SCAMP1: variants seen among roughly 807,000 people sequenced by gnomAD.
The protein encoded by SCAMP1 is secretory carrier membrane protein 1.
SCAMP1 carries 15 observed loss-of-function variants against 41.8 expected under a neutral mutation model. The ratio of observed to expected loss-of-function variants is 0.36; its 90% confidence interval spans 0.24 to 0.55. The LOEUF (loss-of-function observed/expected upper bound fraction) is 0.55, where lower values mean the gene tolerates loss of function less well. Ranked by LOEUF, SCAMP1 falls within the 20% of genes least tolerant of loss-of-function variation. SCAMP1 has a pLI of 0.86. For synonymous variants in SCAMP1, 135 were observed against 136.8 expected (o/e 0.99, Z 0.09); for missense variants, 341 against 412.6 (o/e 0.83, Z 1.50).
intron 6 of SCAMP1, among the ~76,000 whole-genome samples, chr5:78,441,618 A>G (rs1404137675): frequency 6.6e-6 from 1 of 152,206 alleles, no homozygotes; most frequent in East Asian, 1.9e-4. Context: ...GTTTGAATCC[A>G]GCCTGACCAA....
chr5:78,382,524 G>A (rs558103054), intron 1 of SCAMP1, among the ~76,000 whole-genome samples: 1 of 152,218 alleles, frequency 6.6e-6, no homozygotes, highest in South Asian at 2.1e-4. Context: ...TGTCACCCGA[G>A]CAGTGTACAC....
Position 78,398,355 on chromosome 5 carries a change from C to CTTTTT in SCAMP1, c.135+9464_135+9468dup, listed in dbSNP as rs1197381285. Reference sequence around the variant, plus strand: ...CTATAGTTTATCCTAGGGTTCACCTCTTTTTTTTTTTTTTTTTTTTTTTTT... The same window carrying CTTTTT: ...CTATAGTTTATCCTAGGGTTCACCTCTTTTTTTTTTTTTTTTTTTTTTTTTTTTTT... On this transcript the variant is annotated intron_variant, in intron 2 of 8. Coordinates refer to ENST00000621999, the MANE Select transcript of SCAMP1 (RefSeq NM_004866.6). Among the ~76,000 whole-genome samples, 338 of 57,488 alleles carry CTTTTT rather than the reference C, an allele frequency of 5.9e-3. 56 individuals carry two copies. The highest frequency in any genetic ancestry group is 0.022 in the African/African-American group (288 of 13,386). The allele number at this position is 57,488 out of a possible 152,430, so 37.7% of individuals were successfully genotyped here. A position where few individuals can be genotyped will look rare whatever the true frequency, so the allele number is the denominator to read the frequency against.
rs1441614684 is a variant in SCAMP1, at chr5:78,480,255, T to C, written c.*4587T>C. Among the ~76,000 whole-genome samples, 1 of 152,182 alleles carries C rather than the reference T, an allele frequency of 6.6e-6. No homozygotes were observed. The highest frequency in any genetic ancestry group is 2.4e-5 in the African/African-American group (1 of 41,436). ...ACTAAAAGCCATTTAATCTTTTCTG[T>C]AATAGGAGCAGAAAATAGTTAATCA... On this transcript the variant is annotated 3_prime_UTR_variant, in exon 9 of 9. Coordinates refer to ENST00000621999, the MANE Select transcript of SCAMP1 (RefSeq NM_004866.6).
chr5:78,368,465 T>A lies in SCAMP1; in HGVS notation c.57+7737T>A, dbSNP rs77653713. Among the ~76,000 whole-genome samples, 590 of 152,358 alleles carry A rather than the reference T, an allele frequency of 3.9e-3. 4 individuals carry two copies. Among genetic ancestry groups the A allele is most frequent in the African/African-American group, 0.013 (548 of 41,574 alleles). On this transcript the variant is annotated intron_variant, in intron 1 of 8. Transcript: ENST00000621999. ...AATATTTAATAGTGATAAATGCAGA[T>A]CCAAATAATTTATTGGTTATTTCCT...
chr5:78,365,207 G>A (rs1255689213), intron 1 of SCAMP1, among the ~76,000 whole-genome samples: 1 of 152,064 alleles, frequency 6.6e-6, no homozygotes, highest in Non-Finnish European at 1.5e-5. Flanking sequence ...AGGCGCAGTG[G>A]CTCACGCCTG....
intron 2 of SCAMP1, among the ~76,000 whole-genome samples, chr5:78,407,342 A>AT (rs1751958658): frequency 1.3e-5 from 2 of 152,148 alleles, no homozygotes; most frequent in East Asian, 3.9e-4. Context: ...ATTATCAGTT[A>AT]TTTTCTCTCA....
chr5:78,466,195 A>G (rs1456307208), intron 8 of SCAMP1, among the ~76,000 whole-genome samples: 1 of 152,234 alleles, frequency 6.6e-6, no homozygotes, highest in African/African-American at 2.4e-5. Context: ...CATTTGTTAA[A>G]CAGCTGTTAT....
At chr5:78,371,049 TTATA>T (rs1750932501) in intron 1 of SCAMP1, among the ~76,000 whole-genome samples, 1 of 152,184 alleles carries the variant, frequency 6.6e-6, no homozygotes, top group African/African-American at 2.4e-5. Flanking sequence ...ATAAGAGTTT[TTATA>T]TATCCTGGAT....
intron 2 of SCAMP1, among the ~76,000 whole-genome samples, chr5:78,396,003 A>G (rs981609457): frequency 6.6e-6 from 1 of 152,230 alleles, no homozygotes; most frequent in African/African-American, 2.4e-5. Flanking sequence ...TCTACCTGCC[A>G]CACTGGGAAT....
chr5:78,424,447 G>T (rs993908308), intron 6 of SCAMP1, among the ~76,000 whole-genome samples: 1 of 151,936 alleles, frequency 6.6e-6, no homozygotes, highest in African/African-American at 2.4e-5. Flanking sequence ...TTGTAACTTG[G>T]GGCTGGGCAT....
At chr5:78,455,534 C>T (rs1199341716) in intron 7 of SCAMP1, among the ~76,000 whole-genome samples, 4 of 127,114 alleles carry the variant, frequency 3.1e-5, no homozygotes, top group Non-Finnish European at 4.9e-5. Flanking sequence ...TTTGATTGCA[C>T]TGTGGTCTGA....
At position 78,364,367 on chromosome 5, in the gene SCAMP1, GAT is replaced by G. The variant is rs1233534069; in HGVS notation, c.57+3641_57+3642del. The stretch of plus-strand genomic sequence containing the variant: ...ATTAACATGATAATTGATTGAATAA[GAT>G]AGTTCATTATGGAAATAACATTTAA... On this transcript the variant is annotated intron_variant, in intron 1 of 8. Transcript: ENST00000621999. Among the ~76,000 whole-genome samples the G allele has an allele frequency of 1.1e-4, 16 of 152,266 alleles. No individual in the cohort carries two copies. The South Asian group carries it at 3.3e-3, about 32-fold the overall frequency.
At chr5:78,448,606 C>T (rs1331299625) in intron 6 of SCAMP1, among the ~76,000 whole-genome samples, 1 of 152,188 alleles carries the variant, frequency 6.6e-6, no homozygotes, top group Non-Finnish European at 1.5e-5. Flanking sequence ...TAAGATATTA[C>T]TGTACAGCTA....
chr5:78,470,211 AT>A (rs1194478036), intron 8 of SCAMP1, among the ~76,000 whole-genome samples: 1 of 152,168 alleles, frequency 6.6e-6, no homozygotes, highest in Non-Finnish European at 1.5e-5. Context: ...TTTTAATTAC[AT>A]TTAGGTATAC....
chr5:78,374,259 T>G (rs1318254636), intron 1 of SCAMP1, among the ~76,000 whole-genome samples: 1 of 152,132 alleles, frequency 6.6e-6, no homozygotes, highest in East Asian at 1.9e-4. Context: ...CTGAACTATC[T>G]TAGAGCCTCA....
In SCAMP1 at chr5:78,377,568, G is replaced by C. The variant is rs546589580; in HGVS notation, c.58-11269G>C. On this transcript the variant is annotated intron_variant, in intron 1 of 8. Coordinates refer to ENST00000621999, the MANE Select transcript of SCAMP1 (RefSeq NM_004866.6). ...TCTTAGTTATGTAGCCAAGTTAATAGGGTCACGTGACACAAAGATTGGGCA... is the reference window on the plus strand; with the variant it reads ...TCTTAGTTATGTAGCCAAGTTAATACGGTCACGTGACACAAAGATTGGGCA... Among the ~76,000 whole-genome samples, 8 of 152,272 alleles carry C rather than the reference G, an allele frequency of 5.3e-5. No homozygotes were observed. In the East Asian group the frequency reaches 1.4e-3, roughly 26 times the overall value.
chr5:78,475,430 T>G, intron 8 of SCAMP1, 74 bp from the exon 9 acceptor site: 1 of 1,111,776 alleles, frequency 9.0e-7, no homozygotes, highest in Non-Finnish European at 1.2e-6. Flanking sequence ...TTGATTAATG[T>G]TGAGATTAAG....
chr5:78,453,515 T>G lies in SCAMP1; in HGVS notation c.734+3481T>G, dbSNP rs866002435. On this transcript the variant is annotated intron_variant, in intron 7 of 8. Transcript: ENST00000621999. ...AGTTGTAGATGTGTGGCGTTATTTCTGAGGGCTCTGTTCTGTTCCATTGAT... is the reference window on the plus strand; with the variant it reads ...AGTTGTAGATGTGTGGCGTTATTTCGGAGGGCTCTGTTCTGTTCCATTGAT... Among the ~76,000 whole-genome samples, 456 of 152,154 alleles carry G rather than the reference T, an allele frequency of 3.0e-3. 5 individuals carry two copies. The highest frequency in any genetic ancestry group is 0.011 in the African/African-American group (438 of 41,498).
intron 6 of SCAMP1, among the ~76,000 whole-genome samples, chr5:78,447,494 G>A (rs1332862814): frequency 6.6e-6 from 1 of 152,144 alleles, no homozygotes; most frequent in Non-Finnish European, 1.5e-5. Flanking sequence ...CAAAGGGAAC[G>A]TAATGCAGAA....
Sources: gnomAD v4.1 joint callset for allele counts (sites outside exome capture counted in the v4.1 genomes callset) on GRCh38, gnomAD v4.1.1 for gene constraint, MANE v1.5 for transcripts, NCBI Gene and HGNC (gene_info 2026-07-23, HGNC 2026-07-21) for gene names.